GALNT13: variants seen among roughly 807,000 people sequenced by gnomAD.
GALNT13 encodes the protein polypeptide N-acetylgalactosaminyltransferase 13.
A neutral mutation model predicts 64.2 loss-of-function variants in GALNT13; 28 were observed. That is an observed-to-expected ratio of 0.44 (90% CI 0.32 to 0.60). GALNT13 has a LOEUF of 0.60. Among genes scored for constraint, GALNT13 ranks in the 20% least tolerant of loss-of-function variants. GALNT13 has a pLI of 0.05. For missense variants in GALNT13, 577 were observed against 669.8 expected, an observed-to-expected ratio of 0.86 and a Z score of 1.53; for synonymous variants, 214 against 224.6, an observed-to-expected ratio of 0.95 and a Z score of 0.42.
rs190865099 is a variant in GALNT13, at chr2:154,105,771, T to G, written c.143-34566T>G. On this transcript the variant is annotated intron_variant, in intron 3 of 12. Coordinates refer to ENST00000392825, the MANE Select transcript of GALNT13 (RefSeq NM_052917.4). ...ATGTCCTAAGACTTATATTGTCCAA[T>G]ACAGTAGCCCCTAGCCCCATGTGAA... is the stretch of plus-strand genomic sequence containing the variant. Among the ~76,000 whole-genome samples the G allele has an allele frequency of 4.5e-4, 69 of 152,334 alleles. No individual in the cohort carries two copies. In the East Asian group the frequency reaches 0.012, roughly 26 times the overall value.
At chr2:154,161,710 T>G (rs1314156123) in intron 4 of GALNT13, among the ~76,000 whole-genome samples, 1 of 152,160 alleles carries the variant, frequency 6.6e-6, no homozygotes, top group Non-Finnish European at 1.5e-5. Context: ...ATGTTTTTGT[T>G]ATAACCTCTT....
the GALNT13 span, among the ~76,000 whole-genome samples, chr2:153,530,655 C>T: frequency 2.6e-5 from 4 of 152,104 alleles, no homozygotes; most frequent in Non-Finnish European, 5.9e-5. Context: ...CAGCATGGTA[C>T]TGGCAACAAA....
rs112591159 is a variant in GALNT13 at position 153,975,988 on chromosome 2, A to G, written c.142+31349A>G. Among the ~76,000 whole-genome samples the G allele has an allele frequency of 1.7e-3, 255 of 152,200 alleles. 1 individual carries two copies. The Middle Eastern group carries it at 0.017, about 10-fold the overall frequency. On this transcript the variant is annotated intron_variant, in intron 3 of 12. Coordinates refer to ENST00000392825, the MANE Select transcript of GALNT13 (RefSeq NM_052917.4). ...TTATACTTCAATAAAGCTGGGGGAA[A>G]AAGAAAAATAAATAAATATCACATC...
chr2:153,845,248 A>G, the GALNT13 span, among the ~76,000 whole-genome samples: 1 of 152,312 alleles, frequency 6.6e-6, no homozygotes, highest in East Asian at 1.9e-4. Flanking sequence ...TTTATAATGA[A>G]TAGAGGATTA....
chr2:153,180,364 C>T, the GALNT13 span, among the ~76,000 whole-genome samples: 1 of 152,106 alleles, frequency 6.6e-6, no homozygotes, highest in Non-Finnish European at 1.5e-5. Context: ...CCTTGTATCA[C>T]ATGAATAAAT....
chr2:154,340,635 C>T (rs1476820692), intron 9 of GALNT13, among the ~76,000 whole-genome samples: 1 of 152,074 alleles, frequency 6.6e-6, no homozygotes, highest in Non-Finnish European at 1.5e-5. Context: ...ATTATACCAT[C>T]ATCCTAAATT....
At chr2:154,347,632 ATGTT>A (rs1696146540) in intron 9 of GALNT13, among the ~76,000 whole-genome samples, 1 of 152,160 alleles carries the variant, frequency 6.6e-6, no homozygotes. Context: ...TAGAAGGAAA[ATGTT>A]TGGTCTTTTC....
At chr2:154,071,210 G>A (rs1361720395) in intron 3 of GALNT13, among the ~76,000 whole-genome samples, 1 of 151,966 alleles carries the variant, frequency 6.6e-6, no homozygotes, top group African/African-American at 2.4e-5. Context: ...AAGCATCATG[G>A]CTTCTTTGCC....
the GALNT13 span, among the ~76,000 whole-genome samples, chr2:153,081,795 A>G: frequency 4.6e-5 from 7 of 152,132 alleles, no homozygotes; most frequent in African/African-American, 1.4e-4. Flanking sequence ...GTTGCTTCCA[A>G]ATCTTAGTAT....
At chr2:154,449,308 C>T (rs1429523721) in intron 12 of GALNT13, among the ~76,000 whole-genome samples, 2 of 151,394 alleles carry the variant, frequency 1.3e-5, no homozygotes, top group African/African-American at 4.8e-5. Flanking sequence ...GTGCAGTCCA[C>T]GATGTTTTCA....
the GALNT13 span, among the ~76,000 whole-genome samples, chr2:153,773,659 T>C: frequency 6.6e-6 from 1 of 152,192 alleles, no homozygotes; most frequent in African/African-American, 2.4e-5. Flanking sequence ...CAATGTAATA[T>C]AAGAGGTTAA....
intron 7 of GALNT13, among the ~76,000 whole-genome samples, chr2:154,258,577 G>T (rs1433011914): frequency 2.6e-5 from 4 of 151,040 alleles, no homozygotes; most frequent in Non-Finnish European, 5.9e-5. Context: ...TTTTTAAATA[G>T]GCTATGGATC....
chr2:153,445,727 C>G, the GALNT13 span, among the ~76,000 whole-genome samples: 1 of 152,082 alleles, frequency 6.6e-6, no homozygotes, highest in Non-Finnish European at 1.5e-5. Flanking sequence ...TCTCTGTTTT[C>G]TCATATATAT....
At chr2:153,795,008 A>G in the GALNT13 span, among the ~76,000 whole-genome samples, 7 of 152,318 alleles carry the variant, frequency 4.6e-5, no homozygotes, top group East Asian at 1.4e-3. Context: ...AACACAGGTG[A>G]CACTTAAATT....
chr2:153,203,530 T>A, the GALNT13 span, among the ~76,000 whole-genome samples: 3 of 152,186 alleles, frequency 2.0e-5, no homozygotes, highest in African/African-American at 4.8e-5. Flanking sequence ...TTTACAGATA[T>A]GCAAATTGAG....
chr2:153,268,073 C>T, the GALNT13 span, among the ~76,000 whole-genome samples: 1 of 152,148 alleles, frequency 6.6e-6, no homozygotes, highest in Non-Finnish European at 1.5e-5. Flanking sequence ...CATAATCATT[C>T]CCTTCCAACA....
At chr2:154,364,034 A>G (rs969913848) in intron 9 of GALNT13, among the ~76,000 whole-genome samples, 4 of 152,182 alleles carry the variant, frequency 2.6e-5, no homozygotes, top group African/African-American at 9.6e-5. Flanking sequence ...GCTAAAAATC[A>G]CACAGGTTAT....
Position 153,976,416 on chromosome 2 carries a change from G to C in GALNT13, c.142+31777G>C, listed in dbSNP as rs536056599. On this transcript the variant is annotated intron_variant, in intron 3 of 12. Transcript: ENST00000392825. ...TTTCAATCAATTTTATCTTTGTAAA[G>C]CAGTCCTTCAAAATTCACAAATTTC... is the stretch of plus-strand genomic sequence containing the variant. Among the ~76,000 whole-genome samples, 108 of 152,128 alleles carry C rather than the reference G, an allele frequency of 7.1e-4. 1 individual carries two copies. In the South Asian group the frequency reaches 0.022, roughly 31 times the overall value.
the GALNT13 span, among the ~76,000 whole-genome samples, chr2:153,770,115 T>C: frequency 2.0e-5 from 3 of 152,216 alleles, no homozygotes; most frequent in Non-Finnish European, 4.4e-5. Context: ...ATGTAGTGCC[T>C]TGAAGGCATT....
Sources: allele counts gnomAD v4.1 joint callset (sites outside exome capture counted in the v4.1 genomes callset), GRCh38; gene constraint gnomAD v4.1.1; transcripts MANE v1.5; gene names NCBI Gene and HGNC (gene_info 2026-07-23, HGNC 2026-07-21).